Variants in CTNNA2 observed in about 807,000 individuals in gnomAD.
CTNNA2 encodes catenin alpha 2, also known as catenin alpha-2.
Under a neutral mutation model 101.0 loss-of-function variants are expected in CTNNA2, and 42 were observed. The ratio of observed to expected loss-of-function variants is 0.42; its 90% CI spans 0.32 to 0.54. The LOEUF (loss-of-function observed/expected upper bound fraction) is 0.54, where lower values mean the gene tolerates loss of function less well. Ranked by LOEUF, CTNNA2 falls within the 20% of genes least tolerant of loss-of-function variation. The pLI, the probability that CTNNA2 is intolerant of heterozygous loss-of-function variation, is 0.14. For synonymous variants in CTNNA2, 450 were observed against 456.4 expected (o/e 0.99, Z 0.18); for missense variants, 871 against 1,223.1 (o/e 0.71, Z 4.29).
chr2:79,729,701 A>G (rs1687083754), intron 2 of CTNNA2, among the ~76,000 whole-genome samples: 1 of 152,056 alleles, frequency 6.6e-6, no homozygotes. Context: ...CATTCCCGAG[A>G]AGCTTGAGGC....
At chr2:79,720,297 C>T (rs754950605) in intron 2 of CTNNA2, among the ~76,000 whole-genome samples, 2 of 152,038 alleles carry the variant, frequency 1.3e-5, no homozygotes, top group Non-Finnish European at 2.9e-5. Flanking sequence ...TTACTATAGC[C>T]TTATAGTATA....
intron 7 of CTNNA2, among the ~76,000 whole-genome samples, chr2:79,961,679 G>T (rs868217497): frequency 1.3e-5 from 2 of 151,770 alleles, no homozygotes; most frequent in Non-Finnish European, 2.9e-5. Flanking sequence ...AAAATTAGCC[G>T]GGCGTGGTGG....
At chr2:79,880,385 A>C (rs115763128) in intron 6 of CTNNA2, among the ~76,000 whole-genome samples, 1,541 of 152,306 alleles carry the variant, frequency 0.01, 24 homozygotes, top group African/African-American at 0.034. Context: ...TAGTTACAAA[A>C]GGAAGGGTAC....
chr2:79,188,630 G>A (rs1381532124), intron 1 of CTNNA2, among the ~76,000 whole-genome samples: 4 of 152,206 alleles, frequency 2.6e-5, no homozygotes, highest in Non-Finnish European at 5.9e-5. Flanking sequence ...TCACTGAAGG[G>A]AGGGCAATAG....
intron 2 of CTNNA2, among the ~76,000 whole-genome samples, chr2:79,306,176 T>C (rs1401672729): frequency 6.6e-6 from 1 of 151,922 alleles, no homozygotes; most frequent in African/African-American, 2.4e-5. Context: ...CTGCAGAATC[T>C]AAAGAAATTG....
chr2:80,347,037 G>T, intron 7 of CTNNA2, among the ~76,000 whole-genome samples: 1 of 152,190 alleles, frequency 6.6e-6, no homozygotes, highest in Non-Finnish European at 1.5e-5. Context: ...TTGATTAAAG[G>T]CTGCAGAGAA....
intron 3 of CTNNA2, among the ~76,000 whole-genome samples, chr2:79,312,984 C>T (rs1023182293): frequency 6.6e-6 from 1 of 152,138 alleles, no homozygotes; most frequent in Non-Finnish European, 1.5e-5. Context: ...TGTTTGTGCA[C>T]AGAGCAATTA....
At chr2:79,849,518 A>G (rs374630065) in intron 3 of CTNNA2, among the ~76,000 whole-genome samples, 91 of 152,144 alleles carry the variant, frequency 6.0e-4, no homozygotes, top group African/African-American at 2.2e-3. Context: ...CTGATTGTTG[A>G]TTGTTGACCT....
At chr2:79,966,002 C>T (rs747983812) in intron 7 of CTNNA2, among the ~76,000 whole-genome samples, 15 of 151,912 alleles carry the variant, frequency 9.9e-5, no homozygotes, top group Non-Finnish European at 2.2e-4. Context: ...ATATTTTTTG[C>T]TTGCCCACAA....
intron 2 of CTNNA2, among the ~76,000 whole-genome samples, chr2:79,294,889 T>C (rs1000326110): frequency 1.3e-5 from 2 of 152,158 alleles, no homozygotes; most frequent in Non-Finnish European, 2.9e-5. Context: ...TATCTACTGA[T>C]TTTGATCTTA....
At chr2:79,450,733 T>C (rs1202431568) in intron 4 of CTNNA2, among the ~76,000 whole-genome samples, 3 of 152,110 alleles carry the variant, frequency 2.0e-5, no homozygotes, top group African/African-American at 7.2e-5. Context: ...TAAATTCCTA[T>C]GGCATATTTC....
intron 6 of CTNNA2, among the ~76,000 whole-genome samples, chr2:79,908,663 A>G (rs1157910492): frequency 6.6e-6 from 1 of 152,026 alleles, no homozygotes; most frequent in Non-Finnish European, 1.5e-5. Context: ...TATCTTTCTG[A>G]CTACCCTTTC....
chr2:79,479,808 A>T (rs925992704), intron 4 of CTNNA2, among the ~76,000 whole-genome samples: 1 of 152,014 alleles, frequency 6.6e-6, no homozygotes, highest in Non-Finnish European at 1.5e-5. Flanking sequence ...CTGTAATCTC[A>T]GCTACTCCGG....
intron 1 of CTNNA2, among the ~76,000 whole-genome samples, chr2:79,617,961 C>A (rs556207745): frequency 6.6e-6 from 1 of 152,262 alleles, no homozygotes; most frequent in East Asian, 1.9e-4. Context: ...GTCTCTGCAA[C>A]CAGAGACGAA....
intron 4 of CTNNA2, among the ~76,000 whole-genome samples, chr2:79,381,477 T>G (rs1373430315): frequency 1.3e-5 from 2 of 152,240 alleles, no homozygotes; most frequent in Non-Finnish European, 2.9e-5. Flanking sequence ...TCAAAAACTA[T>G]CAAGTCAACT....
intron 7 of CTNNA2, among the ~76,000 whole-genome samples, chr2:80,138,145 G>A (rs998760280): frequency 3.3e-5 from 5 of 152,108 alleles, no homozygotes; most frequent in Admixed American, 2.6e-4. Flanking sequence ...TAGCAGAAGA[G>A]GGAATAAACA....
At chr2:79,698,923 C>T (rs186956230) in intron 2 of CTNNA2, among the ~76,000 whole-genome samples, 10 of 152,146 alleles carry the variant, frequency 6.6e-5, no homozygotes, top group Admixed American at 2.0e-4. Context: ...TAGCCTGTCA[C>T]GTTTGCTGAA....
chr2:80,334,209 A>G (rs77222389), intron 7 of CTNNA2, among the ~76,000 whole-genome samples: 4,089 of 152,298 alleles, frequency 0.027, 186 homozygotes, highest in African/African-American at 0.091. Flanking sequence ...AGCTAAAGCA[A>G]TGGATCTTTC....
intron 6 of CTNNA2, among the ~76,000 whole-genome samples, chr2:79,891,115 A>T (rs138154735): frequency 6.6e-6 from 1 of 152,036 alleles, no homozygotes; most frequent in African/African-American, 2.4e-5. Context: ...AAAAGCGCAG[A>T]TCTTTACATT....
Sources: allele counts gnomAD v4.1 joint callset (sites outside exome capture counted in the v4.1 genomes callset), GRCh38; gene constraint gnomAD v4.1.1; transcripts MANE v1.5; gene names NCBI Gene and HGNC (gene_info 2026-07-23, HGNC 2026-07-21).